The following HIF3A variants were observed in gnomAD, a reference collection of about 807,000 sequenced individuals.
HIF3A encodes hypoxia-inducible factor 3-alpha.
HIF3A carries 41 observed loss-of-function variants against 67.2 expected under a neutral mutation model. The observed-to-expected ratio is 0.61, with a 90% CI of 0.48 to 0.79. The LOEUF is 0.79. HIF3A is among the 30% of genes least tolerant of loss of function. The pLI, the probability that HIF3A is intolerant of heterozygous loss-of-function variation, is 0.00. For missense variants in HIF3A, 855 were observed against 898.0 expected (o/e 0.95, Z 0.61); for synonymous variants, 356 against 374.8 (o/e 0.95, Z 0.58).
intron 3 of HIF3A, among the ~76,000 whole-genome samples, chr19:46,307,999 C>CAGATAGAT (rs879144909): frequency 7.5e-3 from 372 of 49,354 alleles, no homozygotes; most frequent in East Asian, 0.064. Flanking sequence ...GACAGACAGA[C>CAGATAGAT]AGATAGATAG....
At chr19:46,337,190 G>C (rs1971688328) in intron 14 of HIF3A, among the ~76,000 whole-genome samples, 1 of 152,102 alleles carries the variant, frequency 6.6e-6, no homozygotes, top group Non-Finnish European at 1.5e-5. Flanking sequence ...GGGGGGAAGA[G>C]TGTCCCAGGC....
chr19:46,310,669 G>A, intron 6 of HIF3A: 1 of 453,686 alleles, frequency 2.2e-6, no homozygotes, highest in East Asian at 7.0e-5. Flanking sequence ...AACCTGCCTT[G>A]TACAGTCGTT....
rs569413239 is a variant in HIF3A, at chr19:46,341,933, C to G, written c.*2311C>G. The G allele has an allele frequency of 6.6e-6, 1 of 152,032 alleles. No individual in the cohort carries two copies. Among genetic ancestry groups the G allele is most frequent in the Non-Finnish European group, 1.5e-5 (1 of 68,032 alleles). 9.4% of individuals were successfully genotyped at this position (152,032 alleles called of 1,614,324 possible). On this transcript the variant is annotated 3_prime_UTR_variant, in exon 15 of 15. Coordinates refer to ENST00000377670, the MANE Select transcript of HIF3A (RefSeq NM_152795.4). Reference sequence around the variant, plus strand: ...TGCTGGGATTACAGGCATAAGCCACCGTGCCCGACCCTGTCCTTATCTTAT... The same window carrying G: ...TGCTGGGATTACAGGCATAAGCCACGGTGCCCGACCCTGTCCTTATCTTAT...
intron 10 of HIF3A, among the ~76,000 whole-genome samples, chr19:46,324,048 A>G (rs1052270449): frequency 6.6e-6 from 1 of 152,160 alleles, no homozygotes; most frequent in Admixed American, 6.5e-5. Flanking sequence ...CCAGCTTGTG[A>G]CTAAGCATCC....
chr19:46,333,788 C>CTTTTTTTTTTTTTTT (rs1165101162), intron 13 of HIF3A, among the ~76,000 whole-genome samples: 34 of 103,566 alleles, frequency 3.3e-4, no homozygotes, highest in African/African-American at 5.0e-4. Context: ...TTCTTTCTTT[C>CTTTTTTTTTTTTTTT]TTTTTTTTTT....
rs1228830851 is a variant in HIF3A, at chr19:46,331,283, G to A, written c.1830+10G>A. 2 of 1,594,996 alleles carry A rather than the reference G, an allele frequency of 1.3e-6. No individual in the cohort carries two copies. On this transcript the variant is annotated intron_variant, in intron 13 of 14. Transcript: ENST00000377670. ...CTTTCCTCTCAGCCTGGTGTGTTGG[G>A]GGATTAATGGGATTCTCTGGCCCTC...
rs1166046099 is a variant in HIF3A at position 46,341,866 on chromosome 19, A to G, written c.*2244A>G. 6.7e-6 allele frequency: 1 copy of G among 149,014 alleles called. No homozygotes were observed. Among genetic ancestry groups the G allele is most frequent in the Non-Finnish European group, 1.5e-5 (1 of 67,192 alleles). The allele number at this position is 149,014 out of a possible 1,614,324, so 9.2% of individuals were successfully genotyped here. A position where few individuals can be genotyped will look rare whatever the true frequency, so the allele number is the denominator to read the frequency against. ...GCCAAGTTGGAGGGGCTGGTCTTGA[A>G]CTCTTGACCTCAGATGATCCACCCG... On this transcript the variant is annotated 3_prime_UTR_variant, in exon 15 of 15. Transcript: ENST00000377670.
At chr19:46,321,688 A>G (rs935917692) in intron 9 of HIF3A, 88 bp from the exon 10 acceptor site, 57 of 1,188,862 alleles carry the variant, frequency 4.8e-5, no homozygotes, top group South Asian at 1.5e-4. Context: ...GAAGATGTCA[A>G]CTGTGTTCCT....
chr19:46,322,031 T>C, intron 10 of HIF3A, 65 bp downstream of exon 10: 4 of 1,522,800 alleles, frequency 2.6e-6, no homozygotes, highest in Admixed American at 1.8e-5. Flanking sequence ...GGTCTTGGCC[T>C]GTGACTTAAA....
chr19:46,318,548 C>CCA, intron 8 of HIF3A, among the ~76,000 whole-genome samples: 1 of 54,084 alleles, frequency 1.8e-5, no homozygotes, highest in Non-Finnish European at 3.4e-5. Flanking sequence ...GATCCTGTCT[C>CCA]AAAAAAAAAA....
intron 8 of HIF3A, among the ~76,000 whole-genome samples, chr19:46,317,773 G>A (rs143904886): frequency 2.7e-4 from 41 of 152,006 alleles, no homozygotes; most frequent in African/African-American, 9.4e-4. Flanking sequence ...TTCTTCGATC[G>A]TCCTTTTCAA....
At chr19:46,312,420 C>A in intron 7 of HIF3A, 86 bp from the exon 8 acceptor site, 1 of 1,606,500 alleles carries the variant, frequency 6.2e-7, no homozygotes, top group South Asian at 1.1e-5. Flanking sequence ...TGTCTCCTTC[C>A]TTGCCCCCTC....
rs78530520 is a variant in HIF3A at position 46,321,073 on chromosome 19, G to T, written c.1144+512G>T. Among the ~76,000 whole-genome samples, 962 of 152,232 alleles carry T rather than the reference G, an allele frequency of 6.3e-3. 5 individuals are homozygous for T. Among genetic ancestry groups the T allele is most frequent in the Middle Eastern group, 0.02 (6 of 294 alleles). On this transcript the variant is annotated intron_variant, in intron 9 of 14. Coordinates refer to ENST00000377670, the MANE Select transcript of HIF3A (RefSeq NM_152795.4). ...GGCCACCCATGCTCCTGGGTGTGGG[G>T]TGGGATTGCTGATATAATATCCTTT...
chr19:46,334,943 G>T lies in HIF3A; in HGVS notation c.1869G>T (p.Leu623=). The T allele has an allele frequency of 6.2e-7, 1 of 1,609,292 alleles. No individual in the cohort carries two copies. The change falls in exon 14 of 15, where the codon CTG becomes CTT. Residue 623 remains leucine (L), a synonymous_variant. Coordinates refer to ENST00000377670, the MANE Select transcript of HIF3A (RefSeq NM_152795.4). ...LLTGGPAPGS[L]QDPSTPLLNL... is the part of the protein sequence containing the mutation. ...CAGGAGGACCAGCCCCAGGGAGCCTGCAGGACCCCAGCACCCCACTCCTGA... is the reference window on the plus strand; with the variant it reads ...CAGGAGGACCAGCCCCAGGGAGCCTTCAGGACCCCAGCACCCCACTCCTGA...
intron 6 of HIF3A, among the ~76,000 whole-genome samples, chr19:46,311,073 T>G (rs1055377038): frequency 4.6e-5 from 7 of 152,152 alleles, no homozygotes; most frequent in Admixed American, 4.6e-4. Context: ...TACTTTTTAT[T>G]TATTTTCATT....
Position 46,312,606 on chromosome 19 carries a change from A to G in HIF3A, c.978A>G (p.Gly326=). Residue 326 remains glycine (G), a synonymous_variant, in exon 8 of 15, where the codon GGA becomes GGG. Coordinates refer to ENST00000377670, the MANE Select transcript of HIF3A (RefSeq NM_152795.4). ...TQTQATVVSG[G]RGPQSESIVC... ...CCCAGGCCACAGTGGTGTCAGGGGG[A>G]CGGGGCCCCCAGTCGGAGAGTATCG... The G allele has an allele frequency of 6.3e-7, 1 of 1,595,400 alleles. No individual in the cohort carries two copies. Among genetic ancestry groups the G allele is most frequent in the Non-Finnish European group, 8.5e-7 (1 of 1,170,730 alleles).
intron 6 of HIF3A, among the ~76,000 whole-genome samples, chr19:46,311,246 C>T (rs1356541842): frequency 2.0e-5 from 3 of 152,168 alleles, no homozygotes; most frequent in Non-Finnish European, 4.4e-5. Flanking sequence ...ACCACGAACT[C>T]AGTGGCTCCA....
intron 8 of HIF3A, chr19:46,313,398 G>A (rs1040084476): frequency 1.3e-6 from 1 of 776,378 alleles, no homozygotes; most frequent in African/African-American, 2.0e-5. Context: ...CAGGGGAGGA[G>A]GATTGCTAGA....
At chr19:46,337,357 C>T (rs1291023969) in intron 14 of HIF3A, among the ~76,000 whole-genome samples, 1 of 152,100 alleles carries the variant, frequency 6.6e-6, no homozygotes, top group African/African-American at 2.4e-5. Flanking sequence ...CTCAAGCGAT[C>T]CTCCCATCTC....
Sources: allele counts gnomAD v4.1 joint callset (sites outside exome capture counted in the v4.1 genomes callset), GRCh38; gene constraint gnomAD v4.1.1; transcripts MANE v1.5; gene names NCBI Gene and HGNC (gene_info 2026-07-23, HGNC 2026-07-21).